The following POM121C variants were observed in gnomAD, a reference collection of about 807,000 sequenced individuals.
POM121C encodes the protein POM121 transmembrane nucleoporin C, also known as nuclear envelope pore membrane protein POM 121C.
Under a neutral mutation model 66.4 loss-of-function variants are expected in POM121C, and 20 were observed. That is an observed-to-expected ratio of 0.30 (90% confidence interval 0.21 to 0.44). The LOEUF (loss-of-function observed/expected upper bound fraction) is 0.44. Among genes scored for constraint, POM121C ranks in the 20% least tolerant of loss-of-function variants. POM121C has a pLI of 1.00. For missense variants in POM121C, 580 were observed against 1,225.7 expected (o/e 0.47, Z 7.87); for synonymous variants, 286 against 528.0 (o/e 0.54, Z 6.28).
chr7:75,447,007 CAAAAAAAAAAAA>C lies in POM121C; in HGVS notation c.-151-5372_-151-5361del, dbSNP rs60389539. ...TGGGCAACAGAGCGAGACTCCGTCT[CAAAAAAAAAAAA>C]AAAAAAAAAAAAAAAAAAATGACCA... On this transcript the variant is annotated intron_variant, in intron 3 of 14. Coordinates refer to ENST00000615331, the MANE Select transcript of POM121C (RefSeq NM_001099415.3). Among the ~76,000 whole-genome samples, 8 of 53,528 alleles carry C rather than the reference CAAAAAAAAAAAA, an allele frequency of 1.5e-4. No individual in the cohort carries two copies. The South Asian group carries it at 4.3e-3, about 29-fold the overall frequency. 35.1% of individuals were successfully genotyped at this position (53,528 alleles called of 152,430 possible).
intron 3 of POM121C, among the ~76,000 whole-genome samples, chr7:75,470,958 T>C (rs1182602512): frequency 6.6e-6 from 1 of 151,780 alleles, no homozygotes; most frequent in Non-Finnish European, 1.5e-5. Flanking sequence ...ATTTTTAAAC[T>C]GGAACTCATT....
rs781811808 is a variant in POM121C, at chr7:75,441,043, A to G, written c.138T>C (p.Thr46=). The G allele has an allele frequency of 2.3e-5, 37 of 1,613,834 alleles. No homozygotes were observed. In the East Asian group the frequency reaches 6.7e-4, roughly 29 times the overall value. ...TCTTCTCTTTGAGGGCACTCAGTAC[A>G]GTCTCCTTTGCACATGGGTCTGGGG... ...SNAPDPCAKE[T]VLSALKEKKK... The change falls in exon 5 of 15, where the codon ACT becomes ACC. Residue 46 remains threonine (T), a synonymous_variant. Coordinates refer to ENST00000615331, the MANE Select transcript of POM121C (RefSeq NM_001099415.3).
chr7:75,441,816 CAG>C (rs1790660935), intron 3 of POM121C, among the ~76,000 whole-genome samples, 169 bp from the exon 4 acceptor site: 1 of 151,942 alleles, frequency 6.6e-6, no homozygotes, highest in African/African-American at 2.4e-5. Context: ...CATCTAAGAG[CAG>C]AGAGTGACAG....
At chr7:75,451,815 C>G (rs1461896525) in intron 3 of POM121C, among the ~76,000 whole-genome samples, 3 of 152,036 alleles carry the variant, frequency 2.0e-5, no homozygotes, top group Non-Finnish European at 2.9e-5. Flanking sequence ...CTTGTAGATC[C>G]AGAAACGACA....
intron 1 of POM121C, among the ~76,000 whole-genome samples, chr7:75,485,377 C>G (rs1792484561): frequency 6.6e-6 from 1 of 152,098 alleles, no homozygotes; most frequent in South Asian, 2.1e-4. Context: ...ATGAGCAGCT[C>G]TACCCACAAA....
intron 3 of POM121C, among the ~76,000 whole-genome samples, chr7:75,465,119 C>T (rs1397767029): frequency 6.6e-6 from 1 of 151,378 alleles, no homozygotes; most frequent in African/African-American, 2.4e-5. Flanking sequence ...CTCAGCCTCC[C>T]AAGTAGCTGG....
At chr7:75,435,763 T>C (rs1411811795) in intron 7 of POM121C, among the ~76,000 whole-genome samples, 4 of 152,214 alleles carry the variant, frequency 2.6e-5, no homozygotes, top group Non-Finnish European at 5.9e-5. Flanking sequence ...ATTTTGAAAT[T>C]GCATGGCCAG....
Position 75,424,630 on chromosome 7 carries a change from T to G in POM121C, c.769-2A>C. 6.2e-7 allele frequency: 1 copy of G among 1,613,686 alleles called. No homozygotes were observed. The highest frequency in any genetic ancestry group is 8.5e-7 in the Non-Finnish European group (1 of 1,179,790). On this transcript the variant is annotated splice_acceptor_variant, in intron 10 of 14. Transcript: ENST00000615331. LOFTEE classifies it high-confidence loss of function. ...ATAGCCAAGCTGGGGAGGTGGAGGCTACCAAAGAGAAAAAGAAGAAGTCAG... is the reference window on the plus strand; with the variant it reads ...ATAGCCAAGCTGGGGAGGTGGAGGCGACCAAAGAGAAAAAGAAGAAGTCAG...
At chr7:75,419,007 G>A in intron 14 of POM121C, 114 bp from the exon 15 acceptor site, 4 of 1,459,616 alleles carry the variant, frequency 2.7e-6, no homozygotes, top group Non-Finnish European at 3.6e-6. Context: ...GCCTCAATAG[G>A]GCTTTCCCCG....
chr7:75,436,260 C>G (rs1230372085), intron 7 of POM121C, among the ~76,000 whole-genome samples: 3 of 152,124 alleles, frequency 2.0e-5, no homozygotes, highest in Admixed American at 2.0e-4. Context: ...AGACTGTAGT[C>G]TCTACAGTTC....
rs1223062524 is a variant in POM121C, at chr7:75,450,321, C to T, written c.-151-8674G>A. Among the ~76,000 whole-genome samples, 9 of 151,770 alleles carry T rather than the reference C, an allele frequency of 5.9e-5. No individual in the cohort carries two copies. In the Middle Eastern group the frequency reaches 0.01, roughly 173 times the overall value. ...AGCAGGAAAGCTGGGGAGAATTCCTCTGAGAAAGCAGGAAAGCTGGGGAGA... is the reference window on the plus strand; with the variant it reads ...AGCAGGAAAGCTGGGGAGAATTCCTTTGAGAAAGCAGGAAAGCTGGGGAGA... On this transcript the variant is annotated intron_variant, in intron 3 of 14. Coordinates refer to ENST00000615331, the MANE Select transcript of POM121C (RefSeq NM_001099415.3).
At chr7:75,481,495 G>A (rs1792307504) in intron 1 of POM121C, among the ~76,000 whole-genome samples, 1 of 152,058 alleles carries the variant, frequency 6.6e-6, no homozygotes, top group Admixed American at 6.6e-5. Context: ...TGTCTTTCCT[G>A]CATGAATTAC....
chr7:75,432,253 C>T (rs1304106565), intron 7 of POM121C, among the ~76,000 whole-genome samples: 6 of 150,798 alleles, frequency 4.0e-5, no homozygotes, highest in South Asian at 4.2e-4. Flanking sequence ...TTATGTATAC[C>T]GAAAGACTTA....
At chr7:75,449,430 TCTCGG>T (rs1223251052) in intron 3 of POM121C, among the ~76,000 whole-genome samples, 2 of 150,870 alleles carry the variant, frequency 1.3e-5, no homozygotes, top group Admixed American at 1.3e-4. Flanking sequence ...AGTGGCACAA[TCTCGG>T]CTCACTGCAA....
rs587746579 is a variant in POM121C at position 75,462,182 on chromosome 7, C to G, written c.-152+12522G>C. Reference sequence around the variant, plus strand: ...GATCACGGGCGCGGTTTGCCCTATGCTGTTCTCGTGATAGTGAGGGAGTTC... The same window carrying G: ...GATCACGGGCGCGGTTTGCCCTATGGTGTTCTCGTGATAGTGAGGGAGTTC... On this transcript the variant is annotated intron_variant, in intron 3 of 14. Transcript: ENST00000615331. Among the ~76,000 whole-genome samples the G allele has an allele frequency of 1.9e-4, 28 of 149,076 alleles. No individual in the cohort carries two copies. In the South Asian group the frequency reaches 3.4e-3, roughly 18 times the overall value.
At chr7:75,482,335 G>A (rs1232861478) in intron 1 of POM121C, among the ~76,000 whole-genome samples, 4 of 152,150 alleles carry the variant, frequency 2.6e-5, no homozygotes, top group African/African-American at 9.7e-5. Flanking sequence ...TACCACTTTG[G>A]GAGGCTAAAG....
intron 3 of POM121C, among the ~76,000 whole-genome samples, chr7:75,450,156 C>T (rs1790974235): frequency 1.3e-5 from 2 of 152,364 alleles, no homozygotes; most frequent in Admixed American, 1.3e-4. Context: ...TGATCTTTGA[C>T]TTCTGGCTTC....
rs781926727 is a variant in POM121C, at chr7:75,419,381, G to A, written c.2805C>T (p.Ser935=). Residue 935 remains serine, a synonymous_variant, in exon 14 of 15, where the codon AGC becomes AGT. Transcript: ENST00000615331. Reference sequence around the variant, plus strand: ...CTGAAGATGCCCCAAAGGAGAGGCTGCTGCCCGATGTGCCCACTCCAGGCG... The same window carrying A: ...CTGAAGATGCCCCAAAGGAGAGGCTACTGCCCGATGTGCCCACTCCAGGCG... ...TPAPGVGTSG[S]SLSFGASSAP... 3.1e-6 allele frequency: 5 copies of A among 1,613,848 alleles called. No homozygotes were observed. The highest frequency in any genetic ancestry group is 1.1e-5 in the South Asian group (1 of 91,066).
In POM121C at chr7:75,478,063, T is replaced by A. The variant is rs188707099; in HGVS notation, c.-457-2875A>T. 1.2e-4 allele frequency among the ~76,000 whole-genome samples: 18 copies of A among 152,128 alleles called. No homozygotes were observed. The South Asian group carries it at 3.7e-3, about 32-fold the overall frequency. ...CTCACTGCAACCTCTGTCTCCCGGGTTCCAGCAATTCTTCTGCCTCAGCCT... is the reference window on the plus strand; with the variant it reads ...CTCACTGCAACCTCTGTCTCCCGGGATCCAGCAATTCTTCTGCCTCAGCCT... On this transcript the variant is annotated intron_variant, in intron 1 of 14. Transcript: ENST00000615331.
Sources: allele counts gnomAD v4.1 joint callset (sites outside exome capture counted in the v4.1 genomes callset), GRCh38; gene constraint gnomAD v4.1.1; transcripts MANE v1.5; gene names NCBI Gene and HGNC (gene_info 2026-07-23, HGNC 2026-07-21).